PCDH15: variants seen among roughly 807,000 people sequenced by gnomAD.
PCDH15 encodes the protein protocadherin related 15.
A neutral mutation model predicts 178.5 loss-of-function variants in PCDH15; 129 were observed. The observed-to-expected ratio is 0.72, with a 90% confidence interval of 0.63 to 0.84. The LOEUF is 0.84. PCDH15 is among the 40% of genes least tolerant of loss of function. The probability of loss-of-function intolerance (pLI) is 0.00; values close to 1 mark genes in which losing one functional copy is unlikely to be tolerated. For synonymous variants in PCDH15, 800 were observed against 732.0 expected (o/e 1.09, Z -1.50); for missense variants, 2,230 against 2,099.9 (o/e 1.06, Z -1.21).
At chr10:54,317,052 G>A (rs886160000) in intron 8 of PCDH15, among the ~76,000 whole-genome samples, 12 of 152,106 alleles carry the variant, frequency 7.9e-5, no homozygotes, top group African/African-American at 2.9e-4. Context: ...ATGTTGGACT[G>A]TTGTTTCATA....
intron 3 of PCDH15, among the ~76,000 whole-genome samples, chr10:54,457,998 A>G (rs1218558843): frequency 6.6e-6 from 1 of 152,182 alleles, no homozygotes; most frequent in Admixed American, 6.5e-5. Flanking sequence ...TTCTATTCTC[A>G]TGAAGGCATG....
chr10:55,539,064 C>G (rs549054019), intron 2 of PCDH15, among the ~76,000 whole-genome samples: 5 of 148,906 alleles, frequency 3.4e-5, no homozygotes, highest in Non-Finnish European at 7.4e-5. Context: ...CCCTTCCTCT[C>G]TCTCTTCCTG....
chr10:54,443,175 A>T lies in PCDH15; in HGVS notation c.158-64233T>A, dbSNP rs558760826. 7.3e-5 allele frequency among the ~76,000 whole-genome samples: 11 copies of T among 151,490 alleles called. No individual in the cohort carries two copies. The East Asian group carries it at 2.1e-3, about 29-fold the overall frequency. Reference sequence around the variant, plus strand: ...TCCAGCCTTTATGAAAATAGCAGCAATTTTTTTTCCTTTCTTTGCCTATGT... The same window carrying T: ...TCCAGCCTTTATGAAAATAGCAGCATTTTTTTTTCCTTTCTTTGCCTATGT... On this transcript the variant is annotated intron_variant, in intron 3 of 37. Transcript: ENST00000644397.
At chr10:54,257,466 G>GGCA (rs946179723) in intron 8 of PCDH15, among the ~76,000 whole-genome samples, 1 of 144,974 alleles carries the variant, frequency 6.9e-6, no homozygotes, top group African/African-American at 2.6e-5. Flanking sequence ...CCAGTGGTAA[G>GGCA]GCAAGGTTCC....
At chr10:54,273,695 G>A (rs1473753776) in intron 8 of PCDH15, among the ~76,000 whole-genome samples, 1 of 151,988 alleles carries the variant, frequency 6.6e-6, no homozygotes, top group Non-Finnish European at 1.5e-5. Flanking sequence ...AGCCCCAGAT[G>A]GGTGAACAAC....
chr10:53,836,445 G>A (rs2077311966), intron 29 of PCDH15, among the ~76,000 whole-genome samples: 1 of 152,076 alleles, frequency 6.6e-6, no homozygotes, highest in Admixed American at 6.6e-5. Context: ...AACCTCTTCT[G>A]TGGCACAAGC....
chr10:54,045,991 A>C (rs924814486), intron 18 of PCDH15, among the ~76,000 whole-genome samples: 25 of 152,150 alleles, frequency 1.6e-4, no homozygotes, highest in Non-Finnish European at 3.2e-4. Flanking sequence ...AAAAAAGAAC[A>C]TTCAAGAAGA....
chr10:54,959,025 A>C (rs113059022), intron 2 of PCDH15, among the ~76,000 whole-genome samples: 5 of 151,996 alleles, frequency 3.3e-5, no homozygotes, highest in African/African-American at 9.6e-5. Flanking sequence ...TTATTCAATG[A>C]AGAGTTGAAT....
At chr10:53,938,539 TTA>T (rs1288763406) in intron 25 of PCDH15, among the ~76,000 whole-genome samples, 22 of 152,172 alleles carry the variant, frequency 1.4e-4, no homozygotes, top group African/African-American at 4.8e-4. Context: ...GGACTAAGTT[TTA>T]TTATTTAACA....
At position 55,404,346 on chromosome 10, in the gene PCDH15, C is replaced by G. The variant is rs941074620; in HGVS notation, c.-156+223279G>C. Among the ~76,000 whole-genome samples, 6 of 152,182 alleles carry G rather than the reference C, an allele frequency of 3.9e-5. 1 individual carries two copies. The South Asian group carries it at 1.0e-3, about 26-fold the overall frequency. ...TTATGATTGATGAGACACAGATGCT[C>G]TGTTAATTCCATGATGGAAAACGCT... is the stretch of plus-strand genomic sequence containing the variant. On this transcript the variant is annotated intron_variant, in intron 2 of 5. Coordinates refer to the PCDH15 transcript ENST00000613346.
chr10:55,615,743 G>A (rs1188250658), intron 2 of PCDH15, among the ~76,000 whole-genome samples: 1 of 152,102 alleles, frequency 6.6e-6, no homozygotes, highest in East Asian at 1.9e-4. Context: ...GCCAGTCATA[G>A]TGGCTGGCAC....
At chr10:55,357,772 G>A (rs1845116781) in intron 2 of PCDH15, among the ~76,000 whole-genome samples, 1 of 151,834 alleles carries the variant, frequency 6.6e-6, no homozygotes, top group African/African-American at 2.4e-5. Flanking sequence ...ACATACTTTT[G>A]GTGGTATTTG....
chr10:55,028,388 C>T (rs180898961), intron 2 of PCDH15, among the ~76,000 whole-genome samples: 22 of 151,888 alleles, frequency 1.4e-4, no homozygotes, highest in African/African-American at 3.4e-4. Context: ...CTGAGCTCAA[C>T]GACACGTCTA....
At chr10:54,163,182 A>G (rs10509007) in intron 13 of PCDH15, among the ~76,000 whole-genome samples, 10,938 of 152,132 alleles carry the variant, frequency 0.072, 940 homozygotes, top group African/African-American at 0.2. Flanking sequence ...TGCACACAAT[A>G]TACTTGAATC....
intron 2 of PCDH15, among the ~76,000 whole-genome samples, chr10:55,421,463 T>C (rs1221155859): frequency 6.7e-6 from 1 of 149,734 alleles, no homozygotes; most frequent in Non-Finnish European, 1.5e-5. Context: ...ATTTTCATAA[T>C]ATGATAAATT....
chr10:54,660,976 C>T (rs980893559), intron 2 of PCDH15, among the ~76,000 whole-genome samples: 2 of 151,846 alleles, frequency 1.3e-5, no homozygotes, highest in African/African-American at 4.8e-5. Flanking sequence ...ATAATAAGAG[C>T]CGTCTATGAC....
chr10:54,260,546 G>C (rs542713700), intron 8 of PCDH15, among the ~76,000 whole-genome samples: 33 of 152,040 alleles, frequency 2.2e-4, no homozygotes, highest in Middle Eastern at 3.4e-3. Context: ...AATGGTTTCA[G>C]TGGAAGCCAT....
intron 2 of PCDH15, among the ~76,000 whole-genome samples, chr10:54,642,737 A>G (rs1169416487): frequency 6.6e-6 from 1 of 152,134 alleles, no homozygotes; most frequent in Non-Finnish European, 1.5e-5. Context: ...TATACCTTAT[A>G]TAGTTATTGA....
chr10:54,751,553 C>A (rs946490382), intron 1 of PCDH15, among the ~76,000 whole-genome samples: 1 of 152,008 alleles, frequency 6.6e-6, no homozygotes, highest in Admixed American at 6.6e-5. Context: ...CCCTTAAAAC[C>A]GTCTAGTTCA....
Sources: allele counts gnomAD v4.1 joint callset (sites outside exome capture counted in the v4.1 genomes callset), GRCh38; gene constraint gnomAD v4.1.1; transcripts MANE v1.5; gene names NCBI Gene and HGNC (gene_info 2026-07-23, HGNC 2026-07-21).